SCD5: variants seen among roughly 807,000 people sequenced by gnomAD.
SCD5 encodes the protein stearoyl-CoA desaturase 5.
In SCD5, 20 loss-of-function variants were observed where a neutral mutation model predicts 30.4. The observed-to-expected ratio is 0.66, with a 90% CI of 0.46 to 0.96. The LOEUF (loss-of-function observed/expected upper bound fraction) is 0.96, where lower values mean the gene tolerates loss of function less well. Among genes scored for constraint, SCD5 ranks in the 40% least tolerant of loss-of-function variants. SCD5 has a pLI of 0.00. For synonymous variants in SCD5, 173 were observed against 176.4 expected, an observed-to-expected ratio of 0.98 and a Z score of 0.16; for missense variants, 381 against 443.3, an observed-to-expected ratio of 0.86 and a Z score of 1.26.
intron 1 of SCD5, among the ~76,000 whole-genome samples, chr4:82,753,650 C>CA (rs1383875606): frequency 3.2e-4 from 48 of 152,208 alleles, no homozygotes; most frequent in African/African-American, 1.2e-3. Flanking sequence ...AGGATAGCAT[C>CA]AAAAAACTAT....
chr4:82,736,241 T>C (rs1379673513), intron 1 of SCD5, among the ~76,000 whole-genome samples: 1 of 151,282 alleles, frequency 6.6e-6, no homozygotes, highest in African/African-American at 2.4e-5. Context: ...TGAGACAAGA[T>C]TGTGTCACTG....
At chr4:82,796,004 C>T (rs1399887483) in intron 1 of SCD5, among the ~76,000 whole-genome samples, 1 of 151,620 alleles carries the variant, frequency 6.6e-6, no homozygotes, top group Non-Finnish European at 1.5e-5. Context: ...GGCGCAGTGG[C>T]TCACGCCTGT....
At chr4:82,744,878 A>G (rs1720950278) in intron 1 of SCD5, among the ~76,000 whole-genome samples, 2 of 151,958 alleles carry the variant, frequency 1.3e-5, no homozygotes. Flanking sequence ...ATTTCAATCA[A>G]TTATTTGGAG....
chr4:82,746,870 A>G (rs1720995302), intron 1 of SCD5, among the ~76,000 whole-genome samples: 1 of 152,056 alleles, frequency 6.6e-6, no homozygotes, highest in Middle Eastern at 3.2e-3. Flanking sequence ...CAAGGGTTGC[A>G]TTTTCCAAGA....
intron 2 of SCD5, among the ~76,000 whole-genome samples, chr4:82,694,612 C>T (rs998910877): frequency 1.3e-5 from 2 of 151,764 alleles, no homozygotes; most frequent in Admixed American, 1.3e-4. Context: ...CAGTGACTGA[C>T]GAATGTTTGT....
chr4:82,748,462 G>A (rs1378828600), intron 1 of SCD5, among the ~76,000 whole-genome samples: 1 of 152,182 alleles, frequency 6.6e-6, no homozygotes, highest in Non-Finnish European at 1.5e-5. Flanking sequence ...AAGCATGCCA[G>A]GAATTTAAAC....
At chr4:82,669,196 C>A (rs1728253654) in intron 3 of SCD5, among the ~76,000 whole-genome samples, 1 of 151,124 alleles carries the variant, frequency 6.6e-6, no homozygotes, top group African/African-American at 2.4e-5. Context: ...GGTAGAGAAG[C>A]AAAGATGAGT....
intron 1 of SCD5, among the ~76,000 whole-genome samples, chr4:82,785,009 T>A (rs17006328): frequency 0.036 from 5,460 of 152,302 alleles, 334 homozygotes; most frequent in African/African-American, 0.13. Flanking sequence ...CAGCTCTGTC[T>A]GTAGGGAATA....
At chr4:82,718,007 GAA>G (rs202149433) in intron 1 of SCD5, among the ~76,000 whole-genome samples, 5 of 127,120 alleles carry the variant, frequency 3.9e-5, no homozygotes, top group Non-Finnish European at 3.3e-5. Context: ...TCAGGCAAGT[GAA>G]AAAAAAAAAA....
chr4:82,770,544 C>T (rs1027870264), intron 1 of SCD5, among the ~76,000 whole-genome samples: 1 of 152,152 alleles, frequency 6.6e-6, no homozygotes, highest in African/African-American at 2.4e-5. Context: ...AGAAAACAGC[C>T]CACTTGTATT....
intron 1 of SCD5, 60 bp downstream of exon 1, chr4:82,798,246 C>G: frequency 1.5e-6 from 2 of 1,295,502 alleles, no homozygotes; most frequent in Non-Finnish European, 2.0e-6. Flanking sequence ...GGCGACCTCG[C>G]GCGCCCCAGC....
intron 3 of SCD5, among the ~76,000 whole-genome samples, chr4:82,679,230 A>AAGAAAGAGAGAG (rs1560531618): frequency 2.6e-4 from 9 of 34,002 alleles, no homozygotes; most frequent in African/African-American, 7.3e-4. Context: ...AAAAGAAAGA[A>AAGAAAGAGAGAG]AGAAAGAAAG....
intron 1 of SCD5, among the ~76,000 whole-genome samples, chr4:82,734,361 A>G (rs926263070): frequency 6.6e-6 from 1 of 152,232 alleles, no homozygotes; most frequent in Non-Finnish European, 1.5e-5. Context: ...TGAGCCAACC[A>G]GACAGTTAAC....
chr4:82,772,621 T>C (rs2148848988), intron 1 of SCD5, among the ~76,000 whole-genome samples: 1 of 152,326 alleles, frequency 6.6e-6, no homozygotes, highest in Non-Finnish European at 1.5e-5. Context: ...TCAGCAGGGA[T>C]GGCTGGGCCT....
At chr4:82,778,101 G>A (rs1721792341) in intron 1 of SCD5, among the ~76,000 whole-genome samples, 1 of 152,122 alleles carries the variant, frequency 6.6e-6, no homozygotes, top group South Asian at 2.1e-4. Flanking sequence ...ATTACCCTCA[G>A]CAGACTAACA....
intron 2 of SCD5, among the ~76,000 whole-genome samples, chr4:82,703,625 T>C (rs2148827071): frequency 6.6e-6 from 1 of 152,328 alleles, no homozygotes; most frequent in South Asian, 2.1e-4. Flanking sequence ...TTCTGTTATG[T>C]GGTGTTTTGT....
chr4:82,773,718 C>A (rs927763465), intron 1 of SCD5, among the ~76,000 whole-genome samples: 2 of 152,186 alleles, frequency 1.3e-5, no homozygotes, highest in Non-Finnish European at 1.5e-5. Context: ...CCAGTTGTGA[C>A]ATTCAAACAC....
rs1039473821 is a variant in SCD5 at position 82,712,015 on chromosome 4, T to G, written c.233-6602A>C. ...ATAAGAGCTACCATTGACTGAGAGC[T>G]TTCTATGTGCCAGGCCCTCTTTAAG... On this transcript the variant is annotated intron_variant, in intron 1 of 4. Transcript: ENST00000319540. Among the ~76,000 whole-genome samples the G allele has an allele frequency of 2.6e-5, 4 of 151,532 alleles. No homozygotes were observed. The East Asian group carries it at 5.9e-4, about 22-fold the overall frequency.
At chr4:82,687,457 T>C (rs888558441) in intron 2 of SCD5, among the ~76,000 whole-genome samples, 2 of 152,218 alleles carry the variant, frequency 1.3e-5, no homozygotes, top group African/African-American at 4.8e-5. Context: ...TCTATATTCC[T>C]GAATGAAAAC....
Sources: allele counts gnomAD v4.1 joint callset (sites outside exome capture counted in the v4.1 genomes callset), GRCh38; gene constraint gnomAD v4.1.1; transcripts MANE v1.5; gene names NCBI Gene and HGNC (gene_info 2026-07-23, HGNC 2026-07-21).